The following KDM4B variants were observed in gnomAD, a reference collection of about 807,000 sequenced individuals.
KDM4B encodes lysine demethylase 4B.
Under a neutral mutation model 125.2 loss-of-function variants are expected in KDM4B, and 32 were observed. That is an observed-to-expected ratio of 0.26 (90% confidence interval 0.19 to 0.34). KDM4B has a LOEUF of 0.34. Ranked by LOEUF, KDM4B falls within the 10% of genes least tolerant of loss-of-function variation. KDM4B has a pLI of 1.00. For missense variants in KDM4B, 1,190 were observed against 1,577.7 expected (o/e 0.75, Z 4.16); for synonymous variants, 721 against 677.9 (o/e 1.06, Z -0.99).
intron 3 of KDM4B, among the ~76,000 whole-genome samples, chr19:5,039,451 T>TCAACAA (rs372611516): frequency 1.3e-5 from 2 of 151,952 alleles, no homozygotes; most frequent in Non-Finnish European, 1.5e-5. Flanking sequence ...AGACCCTGTC[T>TCAACAA]CAACAACAAC....
At chr19:4,970,657 C>T (rs906724190) in intron 1 of KDM4B, among the ~76,000 whole-genome samples, 1 of 146,784 alleles carries the variant, frequency 6.8e-6, no homozygotes, top group African/African-American at 2.5e-5. Flanking sequence ...CTAATGACTC[C>T]CCTAATTCTC....
intron 1 of KDM4B, among the ~76,000 whole-genome samples, chr19:5,004,097 T>C (rs960328078): frequency 6.6e-6 from 1 of 152,164 alleles, no homozygotes; most frequent in Non-Finnish European, 1.5e-5. Flanking sequence ...TACGTGGCAG[T>C]AAAGCTGGCA....
intron 18 of KDM4B, 186 bp downstream of exon 18, chr19:5,138,256 C>T (rs1278138495): frequency 5.1e-6 from 3 of 589,384 alleles, no homozygotes; most frequent in Non-Finnish European, 9.1e-6. Flanking sequence ...TGAATCCTTC[C>T]CCGAGGTGCA....
At chr19:5,077,230 A>C (rs1306078854) in intron 7 of KDM4B, 137 bp from the exon 8 acceptor site, 2 of 714,452 alleles carry the variant, frequency 2.8e-6, no homozygotes, top group Non-Finnish European at 4.8e-6. Context: ...AACCAAGGGC[A>C]GATCTGGGCC....
At position 5,040,593 on chromosome 19, in the gene KDM4B, C is replaced by T. The variant is rs146457138; in HGVS notation, c.318-544C>T. ...GCACCTGCGTGTACCGGCAGTGTTC[C>T]GAGTACAGCTCCCTGGTTCAGCAGG... On this transcript the variant is annotated intron_variant, in intron 4 of 22. Transcript: ENST00000159111. Among the ~76,000 whole-genome samples, 7 of 152,278 alleles carry T rather than the reference C, an allele frequency of 4.6e-5. No individual in the cohort carries two copies. In the East Asian group the frequency reaches 1.4e-3, roughly 29 times the overall value.
intron 1 of KDM4B, among the ~76,000 whole-genome samples, chr19:5,015,925 G>A (rs894585867): frequency 3.9e-5 from 6 of 152,282 alleles, no homozygotes; most frequent in Middle Eastern, 6.8e-3. Flanking sequence ...CTTGGAGGAA[G>A]CAAAACTTCT....
At chr19:5,021,892 C>A (rs2036133538) in intron 2 of KDM4B, among the ~76,000 whole-genome samples, 1 of 152,128 alleles carries the variant, frequency 6.6e-6, no homozygotes, top group African/African-American at 2.4e-5. Flanking sequence ...CCTCGTCCTC[C>A]CAAAGTGTTG....
chr19:5,099,774 C>T (rs1213420416), intron 9 of KDM4B, among the ~76,000 whole-genome samples: 1 of 152,212 alleles, frequency 6.6e-6, no homozygotes, highest in African/African-American at 2.4e-5. Context: ...CCCCTTCTAC[C>T]AGAGGAGGAC....
chr19:5,116,280 A>T (rs2039254820), intron 10 of KDM4B, among the ~76,000 whole-genome samples: 1 of 150,460 alleles, frequency 6.6e-6, no homozygotes, highest in Admixed American at 6.6e-5. Flanking sequence ...AGAATAGGAG[A>T]CTCTGTTAGC....
At position 5,144,870 on chromosome 19, in the gene KDM4B, T is replaced by G; in HGVS notation, c.2989T>G (p.Phe997Val). Residue 997 changes from phenylalanine (F) to valine (V), a missense_variant, in exon 21 of 23, where the codon TTC (phenylalanine) becomes GTC (valine). Phe to Val is a conservative substitution (Grantham distance 50, BLOSUM62 -1). Around this residue, in one of 7 missense-constraint regions of KDM4B, gnomAD observed 298 missense variants for 439.7 expected, o/e 0.68. Transcript: ENST00000159111. ...WTDGNLYKAK[F>V]ISSVTSHIYQ... is the part of the protein sequence containing the mutation. ...TGACGGCAACCTCTACAAGGCCAAG[T>G]TCATCTCCTCCGTCACCAGCCACAT... 6.2e-7 allele frequency: 1 copy of G among 1,612,914 alleles called. No homozygotes were observed. Among genetic ancestry groups the G allele is most frequent in the Non-Finnish European group, 8.5e-7 (1 of 1,179,742 alleles).
chr19:5,013,820 T>C (rs12459464), intron 1 of KDM4B, among the ~76,000 whole-genome samples: 42,690 of 152,200 alleles, frequency 0.28, 7,028 homozygotes, highest in East Asian at 0.69. Context: ...GGGACATCTT[T>C]GGGAACCATT....
intron 1 of KDM4B, among the ~76,000 whole-genome samples, chr19:4,989,484 A>C (rs571629753): frequency 6.6e-6 from 1 of 150,624 alleles, no homozygotes; most frequent in Non-Finnish European, 1.5e-5. Flanking sequence ...GATTACAGGC[A>C]TGCACCACCA....
At chr19:5,016,593 CT>C (rs1185523022) in intron 2 of KDM4B, among the ~76,000 whole-genome samples, 1 of 152,242 alleles carries the variant, frequency 6.6e-6, no homozygotes, top group Admixed American at 6.5e-5. Context: ...CCACCCGACT[CT>C]CACTTCTAGA....
intron 7 of KDM4B, chr19:5,075,022 G>C (rs1035506931): frequency 2.0e-5 from 3 of 152,404 alleles, no homozygotes; most frequent in Non-Finnish European, 2.9e-5. Context: ...GGACGCAGGC[G>C]CAGCCGGGAG....
chr19:5,017,557 G>A (rs1007398871), intron 2 of KDM4B, among the ~76,000 whole-genome samples: 4 of 152,228 alleles, frequency 2.6e-5, no homozygotes, highest in East Asian at 1.9e-4. Context: ...GTCTCTTGGT[G>A]ACTTGGTTTG....
intron 2 of KDM4B, among the ~76,000 whole-genome samples, chr19:5,021,823 A>G (rs2036130860): frequency 6.6e-6 from 1 of 151,804 alleles, no homozygotes; most frequent in Non-Finnish European, 1.5e-5. Context: ...TTTAGTAGAG[A>G]CAGGGTTTCA....
chr19:5,086,910 TC>T (rs1479343532), intron 9 of KDM4B, among the ~76,000 whole-genome samples: 1 of 152,148 alleles, frequency 6.6e-6, no homozygotes, highest in Non-Finnish European at 1.5e-5. Context: ...TCTCCAAGGT[TC>T]CCCCGGCTGT....
intron 18 of KDM4B, 70 bp downstream of exon 18, chr19:5,138,140 C>A: frequency 1.7e-6 from 2 of 1,186,438 alleles, no homozygotes; most frequent in East Asian, 2.5e-5. Flanking sequence ...GGCTCCCCAC[C>A]TGCGCGATCT....
At chr19:5,137,576 G>T in intron 16 of KDM4B, 45 bp from the exon 17 acceptor site, 1 of 1,569,632 alleles carries the variant, frequency 6.4e-7, no homozygotes, top group South Asian at 1.1e-5. Flanking sequence ...TGTGTGGGGA[G>T]CCTGCTCCGA....
Sources: allele counts gnomAD v4.1 joint callset (sites outside exome capture counted in the v4.1 genomes callset), GRCh38; gene constraint gnomAD v4.1.1; regional missense constraint gnomAD v4.1.1; transcripts MANE v1.5; gene names NCBI Gene and HGNC (gene_info 2026-07-23, HGNC 2026-07-21).